Variants in STK32C observed in about 807,000 individuals in gnomAD.
STK32C encodes the protein serine/threonine kinase 32C.
In STK32C, 31 loss-of-function variants were observed where a neutral mutation model predicts 56.5. The observed-to-expected ratio is 0.55, with a 90% confidence interval of 0.41 to 0.74. STK32C has a LOEUF of 0.74. Among genes scored for constraint, STK32C ranks in the 30% least tolerant of loss-of-function variants. The pLI is 0.00. For missense variants in STK32C, 544 were observed against 676.9 expected, an observed-to-expected ratio of 0.80 and a Z score of 2.18; for synonymous variants, 309 against 289.4, an observed-to-expected ratio of 1.07 and a Z score of -0.69.
At chr10:132,300,070 T>C (rs1209725981) in intron 1 of STK32C, among the ~76,000 whole-genome samples, 1 of 152,258 alleles carries the variant, frequency 6.6e-6, no homozygotes, top group Non-Finnish European at 1.5e-5. Flanking sequence ...ACGCCCGTGC[T>C]AGACTCCTGC....
rs2138527480 is a variant in STK32C at position 132,331,291 on chromosome 10, G to A, written c.301+145C>T. ...AGAGTGTTTCTGGGTGGGACAGAGG[G>A]TGCTACTTTTCATTATCAGTTGGAT... On this transcript the variant is annotated intron_variant, in intron 1 of 1. Coordinates refer to the STK32C transcript ENST00000368619. 4.0e-6 allele frequency: 3 copies of A among 747,740 alleles called. No homozygotes were observed. The South Asian group carries it at 5.7e-5, about 14-fold the overall frequency. The allele number at this position is 747,740 out of a possible 1,614,324, so 46.3% of individuals were successfully genotyped here. A position where few individuals can be genotyped will look rare whatever the true frequency, so the allele number is the denominator to read the frequency against.
At chr10:132,269,701 C>T (rs1376374427) in intron 1 of STK32C, among the ~76,000 whole-genome samples, 1 of 152,238 alleles carries the variant, frequency 6.6e-6, no homozygotes, top group African/African-American at 2.4e-5. Flanking sequence ...CATTCCAGAC[C>T]CTTGCCTCGC....
chr10:132,211,369 C>A (rs905562713), intron 10 of STK32C, among the ~76,000 whole-genome samples: 2 of 152,202 alleles, frequency 1.3e-5, no homozygotes, highest in African/African-American at 4.8e-5. Flanking sequence ...GAGCGCCCGT[C>A]GTGGCCCTGT....
At chr10:132,278,487 C>T (rs577263409) in intron 1 of STK32C, among the ~76,000 whole-genome samples, 24 of 152,224 alleles carry the variant, frequency 1.6e-4, no homozygotes, top group African/African-American at 5.3e-4. Context: ...ACCGGCCGGG[C>T]GCGGTGGCTC....
chr10:132,312,437 T>C (rs544564060), upstream of STK32C, among the ~76,000 whole-genome samples: 15 of 152,234 alleles, frequency 9.9e-5, no homozygotes, highest in African/African-American at 3.4e-4. Flanking sequence ...CTCAGTTCAA[T>C]CCATTCTGGG....
chr10:132,237,864 T>TAAC (rs2063349164), intron 2 of STK32C, among the ~76,000 whole-genome samples: 2 of 152,328 alleles, frequency 1.3e-5, no homozygotes, highest in African/African-American at 4.8e-5. Flanking sequence ...AGCTGCCTTG[T>TAAC]ACACAGGGCT....
At chr10:132,210,377 C>A (rs190406166) in intron 10 of STK32C, among the ~76,000 whole-genome samples, 3 of 152,232 alleles carry the variant, frequency 2.0e-5, no homozygotes, top group Non-Finnish European at 4.4e-5. Flanking sequence ...CTGCCTCAGC[C>A]TCCCAAGTAG....
intron 1 of STK32C, among the ~76,000 whole-genome samples, chr10:132,247,164 G>A (rs1056395421): frequency 2.0e-5 from 3 of 152,208 alleles, no homozygotes; most frequent in South Asian, 2.1e-4. Flanking sequence ...TGGGAGGCAC[G>A]GCCTAGAGTC....
Position 132,305,624 on chromosome 10 carries a change from T to TA in STK32C, c.262+1947dup, listed in dbSNP as rs530621878. On this transcript the variant is annotated intron_variant, in intron 1 of 11. Transcript: ENST00000298630. ...GGACTCAGGGGCAACAGTCCCTTCC[T>TA]AAAAGACTCTCCTTTCTCCTTCCAA... Among the ~76,000 whole-genome samples, 17 of 152,292 alleles carry TA rather than the reference T, an allele frequency of 1.1e-4. No individual in the cohort carries two copies. In the East Asian group the frequency reaches 3.1e-3, roughly 28 times the overall value.
chr10:132,277,791 C>T (rs765453336), intron 1 of STK32C, among the ~76,000 whole-genome samples: 8 of 152,252 alleles, frequency 5.3e-5, no homozygotes, highest in African/African-American at 7.2e-5. Flanking sequence ...ATGCTCCTTT[C>T]CAAACCTCTG....
upstream of STK32C, among the ~76,000 whole-genome samples, chr10:132,312,191 A>G (rs2066236271): frequency 6.6e-6 from 1 of 152,106 alleles, no homozygotes; most frequent in African/African-American, 2.4e-5. Context: ...TGCTTTTGGT[A>G]GAGACAAGGA....
At chr10:132,331,380 C>A (rs1447546488) in intron 1 of STK32C, 5 of 1,538,216 alleles carry the variant, frequency 3.3e-6, no homozygotes, top group Non-Finnish European at 2.6e-6. Flanking sequence ...TCCCCTCCCG[C>A]CCGGTGTCAT....
chr10:132,280,454 C>CT (rs2065145719), intron 1 of STK32C, among the ~76,000 whole-genome samples: 1 of 107,288 alleles, frequency 9.3e-6, no homozygotes, highest in African/African-American at 3.6e-5. Flanking sequence ...GCCACTGCAC[C>CT]CCATGATCAC....
intron 1 of STK32C, among the ~76,000 whole-genome samples, chr10:132,280,362 C>T (rs1270395103): frequency 6.7e-6 from 1 of 148,416 alleles, no homozygotes; most frequent in Non-Finnish European, 1.5e-5. Flanking sequence ...GTGACCATGC[C>T]CCTGCACTCC....
At chr10:132,244,750 CTGCCCCTCG>C (rs1207074572) in intron 2 of STK32C, among the ~76,000 whole-genome samples, 1 of 152,212 alleles carries the variant, frequency 6.6e-6, no homozygotes, top group Non-Finnish European at 1.5e-5. Context: ...TCCATCCTGC[CTGCCCCTCG>C]TGCACCCGCT....
At chr10:132,251,442 A>G (rs184018240) in intron 1 of STK32C, among the ~76,000 whole-genome samples, 3 of 152,086 alleles carry the variant, frequency 2.0e-5, no homozygotes, top group Non-Finnish European at 4.4e-5. Flanking sequence ...GGGAGTGGGC[A>G]TGGTCCCTTC....
intron 1 of STK32C, among the ~76,000 whole-genome samples, chr10:132,290,827 G>A (rs1011131144): frequency 3.9e-5 from 6 of 151,968 alleles, no homozygotes; most frequent in Non-Finnish European, 7.4e-5. Flanking sequence ...TACCATGCTC[G>A]AGGGCACCCA....
chr10:132,254,960 C>T (rs1037886655), intron 1 of STK32C, among the ~76,000 whole-genome samples: 26 of 151,990 alleles, frequency 1.7e-4, no homozygotes, highest in East Asian at 9.7e-4. Context: ...AGGCCTGGGA[C>T]GCTTCCCTTC....
At chr10:132,225,853 C>G (rs1216923227) in intron 4 of STK32C, 69 bp from the exon 5 acceptor site, 3 of 1,601,482 alleles carry the variant, frequency 1.9e-6, no homozygotes, top group African/African-American at 1.3e-5. Context: ...ATCTCTGTCA[C>G]AATCCCTGGA....
Sources: gnomAD v4.1 joint callset for allele counts (sites outside exome capture counted in the v4.1 genomes callset) on GRCh38, gnomAD v4.1.1 for gene constraint, MANE v1.5 for transcripts, NCBI Gene and HGNC (gene_info 2026-07-23, HGNC 2026-07-21) for gene names.